ATP6V0A2: variants seen among roughly 807,000 people sequenced by gnomAD.
The protein encoded by ATP6V0A2 is V-type proton ATPase 116 kDa subunit a 2.
ATP6V0A2 carries 58 observed loss-of-function variants against 104.4 expected under a neutral mutation model. That is an observed-to-expected ratio of 0.56 (90% confidence interval 0.45 to 0.69). The LOEUF is 0.69. Among genes scored for constraint, ATP6V0A2 ranks in the 30% least tolerant of loss-of-function variants. ATP6V0A2 has a pLI of 0.00. For missense variants in ATP6V0A2, 938 were observed against 1,062.9 expected (o/e 0.88, Z 1.63); for synonymous variants, 376 against 397.9 (o/e 0.95, Z 0.65).
chr12:123,740,348 G>A (rs1956597390), intron 9 of ATP6V0A2, among the ~76,000 whole-genome samples: 1 of 152,078 alleles, frequency 6.6e-6, no homozygotes, highest in African/African-American at 2.4e-5. Flanking sequence ...GGGACTAGAG[G>A]TCTGCACTAC....
chr12:123,751,133 G>C lies in ATP6V0A2; in HGVS notation c.1959G>C (p.Leu653=). The change falls in exon 16 of 20, where the codon CTG becomes CTC. Residue 653 remains leucine, a synonymous_variant. Coordinates refer to ENST00000330342, the MANE Select transcript of ATP6V0A2 (RefSeq NM_012463.4). The stretch of plus-strand genomic sequence containing the variant: ...AGGAGTATGTCCAGAGAGTGCTGCT[G>C]GTTGTCACAGCATTGTCTGTCCCTG... ...TGQEYVQRVL[L]VVTALSVPVL... 6.2e-7 allele frequency: 1 copy of C among 1,614,142 alleles called. No individual in the cohort carries two copies. Among genetic ancestry groups the C allele is most frequent in the Non-Finnish European group, 8.5e-7 (1 of 1,180,026 alleles).
chr12:123,729,088 A>G (rs1375286266), intron 6 of ATP6V0A2, among the ~76,000 whole-genome samples: 1 of 152,124 alleles, frequency 6.6e-6, no homozygotes, highest in Non-Finnish European at 1.5e-5. Context: ...TCAGGTTTTC[A>G]GCTTCCTCAT....
chr12:123,719,934 C>A (rs1956382512), intron 2 of ATP6V0A2, among the ~76,000 whole-genome samples: 1 of 152,168 alleles, frequency 6.6e-6, no homozygotes, highest in Non-Finnish European at 1.5e-5. Context: ...CAACAAACGA[C>A]CCCAGGGTCT....
intron 17 of ATP6V0A2, 43 bp from the exon 18 acceptor site, chr12:123,754,377 G>A (rs1447093017): frequency 2.1e-6 from 3 of 1,436,454 alleles, no homozygotes; most frequent in African/African-American, 1.4e-5. Flanking sequence ...AAGTACACAT[G>A]TAACATCATG....
chr12:123,712,817 C>T, intron 1 of ATP6V0A2, 135 bp downstream of exon 1: 1 of 818,642 alleles, frequency 1.2e-6, no homozygotes, highest in Admixed American at 2.1e-5. Flanking sequence ...GGGAAGATGA[C>T]ACCCCAGCTC....
At position 123,737,333 on chromosome 12, in the gene ATP6V0A2, C is replaced by T. The variant is rs112069296; in HGVS notation, c.1038+62C>T. The T allele has an allele frequency of 3.3e-6, 5 of 1,526,572 alleles. No individual in the cohort carries two copies. In the East Asian group the frequency reaches 6.8e-5, roughly 21 times the overall value. The allele number at this position is 1,526,572 out of a possible 1,614,324, so 94.6% of individuals were successfully genotyped here. A position where few individuals can be genotyped will look rare whatever the true frequency, so the allele number is the denominator to read the frequency against. On this transcript the variant is annotated intron_variant, in intron 9 of 19. Transcript: ENST00000330342. ...GAGAGACTGATGGAACTGATAAATT[C>T]AGAGAAAAAAAGGAAGTGAGAATTT...
In ATP6V0A2 at chr12:123,750,963, C is replaced by T. The variant is rs80175450; in HGVS notation, c.1936-147C>T. On this transcript the variant is annotated intron_variant, in intron 15 of 19. Transcript: ENST00000330342. ...CAGCTATGAGTTTAGGAAAAGAAAACCCGCTGGCAAGTGTAGCTGGCTGGC... is the reference window on the plus strand; with the variant it reads ...CAGCTATGAGTTTAGGAAAAGAAAATCCGCTGGCAAGTGTAGCTGGCTGGC... The T allele has an allele frequency of 1.4e-3, 1,442 of 1,062,650 alleles. 18 individuals carry two copies. The African/African-American group carries it at 0.02, about 14-fold the overall frequency. The allele number at this position is 1,062,650 out of a possible 1,614,324, so 65.8% of individuals were successfully genotyped here.
intron 1 of ATP6V0A2, among the ~76,000 whole-genome samples, chr12:123,716,470 A>T (rs752984391): frequency 7.2e-5 from 11 of 152,200 alleles, no homozygotes; most frequent in African/African-American, 2.7e-4. Flanking sequence ...ATTGAGGTGT[A>T]TGGTAGAGTT....
intron 7 of ATP6V0A2, among the ~76,000 whole-genome samples, chr12:123,735,157 G>GTGTGTC (rs1479501258): frequency 2.0e-5 from 3 of 151,078 alleles, no homozygotes; most frequent in East Asian, 1.9e-4. Context: ...GTGTGTGTGT[G>GTGTGTC]TGTGTGTGTC....
At chr12:123,727,148 AT>A (rs1359281283) in intron 5 of ATP6V0A2, among the ~76,000 whole-genome samples, 1 of 152,164 alleles carries the variant, frequency 6.6e-6, no homozygotes, top group East Asian at 1.9e-4. Context: ...AGTCAGTTGT[AT>A]CTGCTCACCT....
intron 9 of ATP6V0A2, among the ~76,000 whole-genome samples, chr12:123,740,057 G>T (rs1956593367): frequency 1.3e-5 from 2 of 152,132 alleles, no homozygotes; most frequent in Non-Finnish European, 2.9e-5. Context: ...CAGCTACTCT[G>T]GAGGCCGGGG....
intron 6 of ATP6V0A2, 182 bp from the exon 7 acceptor site, chr12:123,733,744 C>T (rs372556183): frequency 2.1e-5 from 13 of 607,172 alleles, no homozygotes; most frequent in Middle Eastern, 4.0e-4. Flanking sequence ...GGAAGCGCTC[C>T]GTGGATTGGT....
At chr12:123,725,296 GT>G (rs765906219) in intron 4 of ATP6V0A2, among the ~76,000 whole-genome samples, 2 of 152,050 alleles carry the variant, frequency 1.3e-5, no homozygotes, top group Non-Finnish European at 2.9e-5. Context: ...TTTAAATAAA[GT>G]TTTAAGAGCC....
intron 6 of ATP6V0A2, among the ~76,000 whole-genome samples, chr12:123,730,141 G>A (rs1449081651): frequency 1.4e-5 from 2 of 138,752 alleles, no homozygotes; most frequent in African/African-American, 2.7e-5. Flanking sequence ...TGCAAGCTCC[G>A]CCTCCTGGGT....
intron 9 of ATP6V0A2, among the ~76,000 whole-genome samples, chr12:123,739,904 T>C: frequency 6.6e-6 from 1 of 152,242 alleles, no homozygotes; most frequent in Non-Finnish European, 1.5e-5. Flanking sequence ...TTTTTTAGTT[T>C]AGTTTTTTGT....
intron 9 of ATP6V0A2, among the ~76,000 whole-genome samples, chr12:123,739,845 C>G (rs1310703276): frequency 6.6e-6 from 1 of 152,216 alleles, no homozygotes; most frequent in Non-Finnish European, 1.5e-5. Context: ...TTGCTCCCAA[C>G]AGAAAGCCTG....
rs1489898792 is a variant in ATP6V0A2 at position 123,744,901 on chromosome 12, A to G, written c.1534A>G (p.Asn512Asp). 4 of 1,614,080 alleles carry G rather than the reference A, an allele frequency of 2.5e-6. No homozygotes were observed. In the African/African-American group the frequency reaches 4.0e-5, roughly 16 times the overall value. Residue 512 changes from asparagine (N) to aspartate (D), a missense_variant, in exon 13 of 20, where the codon AAC becomes GAC. By Grantham distance (23) the Asn-to-Asp change is conservative (BLOSUM62 1). Transcript: ENST00000330342. The surrounding 1 kb of genome is among the most constrained non-coding windows in gnomAD (Gnocchi z 5.4). ...TTACAGTGACAGCGTCGTTAGACAC[A>G]ACAGCATTTTGCAGCTGGATCCAAG... Reference protein sequence around the residue: ...VLWNDSVVRHNSILQLDPSIP... With the variant: ...VLWNDSVVRHDSILQLDPSIP...
At chr12:123,743,992 T>C in intron 10 of ATP6V0A2, 57 bp downstream of exon 10, 1 of 1,596,020 alleles carries the variant, frequency 6.3e-7, no homozygotes, top group East Asian at 2.2e-5. Context: ...GCATTCTTGC[T>C]CTAAGAATGG....
rs557940730 is a variant in ATP6V0A2 at position 123,758,844 on chromosome 12, C to T, written c.*812C>T. The T allele has an allele frequency of 2.6e-5, 4 of 152,118 alleles. No homozygotes were observed. Among genetic ancestry groups the T allele is most frequent in the Non-Finnish European group, 5.9e-5 (4 of 68,022 alleles). 9.4% of individuals were successfully genotyped at this position (152,118 alleles called of 1,614,324 possible). A position where few individuals can be genotyped will look rare whatever the true frequency, so the allele number is the denominator to read the frequency against. On this transcript the variant is annotated 3_prime_UTR_variant, in exon 20 of 20. Transcript: ENST00000330342. ...GCCAAAATATGCAAATATTTTTTAT[C>T]CTGTGCTACCTAGAATTACAAGTAG...
Sources: gnomAD v4.1 joint callset for allele counts (sites outside exome capture counted in the v4.1 genomes callset) on GRCh38, gnomAD v4.1.1 for gene constraint, Gnocchi (gnomAD v3.1) non-coding constraint, MANE v1.5 for transcripts, NCBI Gene and HGNC (gene_info 2026-07-23, HGNC 2026-07-21) for gene names.